CAST: variants seen among roughly 807,000 people sequenced by gnomAD.
CAST encodes calpastatin.
Under a neutral mutation model 119.6 loss-of-function variants are expected in CAST, and 76 were observed. The ratio of observed to expected loss-of-function variants is 0.64; its 90% confidence interval spans 0.53 to 0.77. The LOEUF (loss-of-function observed/expected upper bound fraction) is 0.77, where lower values mean the gene tolerates loss of function less well. CAST is among the 30% of genes least tolerant of loss of function. CAST has a pLI of 0.00. For synonymous variants in CAST, 319 were observed against 331.6 expected (o/e 0.96, Z 0.41); for missense variants, 953 against 946.5 (o/e 1.01, Z -0.09).
chr5:96,343,463 A>C, the CAST span, among the ~76,000 whole-genome samples: 4 of 152,188 alleles, frequency 2.6e-5, no homozygotes, highest in African/African-American at 9.6e-5. Context: ...GAAAATAATG[A>C]TGTTAATATT....
At chr5:96,482,212 C>A in the CAST span, among the ~76,000 whole-genome samples, 1 of 152,072 alleles carries the variant, frequency 6.6e-6, no homozygotes, top group Non-Finnish European at 1.5e-5. Context: ...ATCTTTCAAA[C>A]ACAATCCTGC....
chr5:96,068,513 G>A, the CAST span, among the ~76,000 whole-genome samples: 1 of 151,516 alleles, frequency 6.6e-6, no homozygotes, highest in African/African-American at 2.4e-5. Flanking sequence ...CTAAACATCT[G>A]ATATGGGAAC....
intron 9 of CAST, among the ~76,000 whole-genome samples, chr5:96,733,531 C>A (rs1030669994): frequency 1.3e-5 from 2 of 152,178 alleles, no homozygotes. Flanking sequence ...TTGACTTGTG[C>A]TGGAACTTGC....
intron 1 of CAST, among the ~76,000 whole-genome samples, chr5:96,600,223 T>G (rs1451104751): frequency 6.6e-6 from 1 of 152,234 alleles, no homozygotes; most frequent in Admixed American, 6.5e-5. Context: ...AGTTTTATTC[T>G]CTCCCTTTCT....
chr5:96,084,140 T>A, the CAST span, among the ~76,000 whole-genome samples: 1 of 151,896 alleles, frequency 6.6e-6, no homozygotes, highest in Non-Finnish European at 1.5e-5. Context: ...TGGCCAGGAG[T>A]GAGCTAATGA....
the CAST span, among the ~76,000 whole-genome samples, chr5:96,152,525 C>T: frequency 1.3e-4 from 20 of 152,172 alleles, no homozygotes; most frequent in Non-Finnish European, 2.4e-4. Context: ...TCAGGGAACT[C>T]TGTCCGGCTG....
the CAST span, chr5:96,425,728 T>TA: frequency 8.3e-3 from 5,432 of 651,268 alleles, no homozygotes; most frequent in Middle Eastern, 0.012. Flanking sequence ...TTCTCCATCA[T>TA]AAAAAAAAAA....
chr5:96,087,736 G>A, the CAST span, among the ~76,000 whole-genome samples: 1 of 152,222 alleles, frequency 6.6e-6, no homozygotes, highest in Non-Finnish European at 1.5e-5. Context: ...CGGGATTTCA[G>A]AGGAGTAGAG....
intron 1 of CAST, among the ~76,000 whole-genome samples, chr5:96,560,083 C>A (rs972911471): frequency 6.6e-6 from 1 of 152,016 alleles, no homozygotes; most frequent in African/African-American, 2.4e-5. Context: ...TTTGACAAAC[C>A]TGACAAAAAC....
At chr5:96,016,796 C>T in the CAST span, among the ~76,000 whole-genome samples, 1 of 147,848 alleles carries the variant, frequency 6.8e-6, no homozygotes, top group Non-Finnish European at 1.5e-5. Context: ...GTGACATTCT[C>T]TCAGAGTGCT....
the CAST span, among the ~76,000 whole-genome samples, chr5:96,201,842 G>A: frequency 1.3e-5 from 2 of 151,980 alleles, no homozygotes; most frequent in African/African-American, 4.8e-5. Context: ...GATGCCCCCA[G>A]GGCCCCATCT....
the CAST span, among the ~76,000 whole-genome samples, chr5:96,320,254 T>G: frequency 8.1e-6 from 1 of 124,042 alleles, no homozygotes; most frequent in Admixed American, 7.9e-5. Context: ...TTTTTTTTTT[T>G]GAGATGGAAT....
At chr5:96,266,860 A>G in the CAST span, among the ~76,000 whole-genome samples, 1 of 152,240 alleles carries the variant, frequency 6.6e-6, no homozygotes, top group African/African-American at 2.4e-5. Flanking sequence ...ATGGCAATAT[A>G]TGAACTCTTT....
At chr5:96,755,234 G>A (rs13181579) in intron 22 of CAST, 35,860 of 152,704 alleles carry the variant, frequency 0.23, 4,823 homozygotes, top group Non-Finnish European at 0.32. Flanking sequence ...AGGTACTTGC[G>A]AGGCTGAAGT....
rs200665340 is a variant in CAST at position 96,757,433 on chromosome 5, C to A, written c.1711-11C>A. The A allele has an allele frequency of 1.2e-6, 2 of 1,613,044 alleles. No individual in the cohort carries two copies. The highest frequency in any genetic ancestry group is 2.7e-5 in the African/African-American group (2 of 74,866). On this transcript the variant is annotated splice_polypyrimidine_tract_variant and intron_variant, in intron 22 of 31. Coordinates refer to ENST00000675179, the MANE Select transcript of CAST (RefSeq NM_001750.7). ...AATGATTTCATGCCATGTGTTTTCC[C>A]CCCCGGATAGGATAAAGATGGAAAG... is the stretch of plus-strand genomic sequence containing the variant.
chr5:96,452,956 C>CAAAG, the CAST span, among the ~76,000 whole-genome samples: 56 of 62,718 alleles, frequency 8.9e-4, no homozygotes, highest in Non-Finnish European at 1.2e-3. Flanking sequence ...GACTCCGTCT[C>CAAAG]AAAAAAAAAA....
chr5:96,033,597 T>G, the CAST span, among the ~76,000 whole-genome samples: 1 of 152,120 alleles, frequency 6.6e-6, no homozygotes, highest in African/African-American at 2.4e-5. Context: ...GATATTCACA[T>G]GCAGAAGAAT....
the CAST span, among the ~76,000 whole-genome samples, chr5:96,184,158 A>C: frequency 2.6e-5 from 4 of 152,156 alleles, no homozygotes; most frequent in Admixed American, 1.3e-4. Flanking sequence ...TTAAGTCCCA[A>C]ATCACAACTG....
chr5:96,158,491 T>G, the CAST span, among the ~76,000 whole-genome samples: 1 of 152,202 alleles, frequency 6.6e-6, no homozygotes, highest in South Asian at 2.1e-4. Context: ...ATAATATATT[T>G]AAAGATCTAT....
Sources: gnomAD v4.1 joint callset for allele counts (sites outside exome capture counted in the v4.1 genomes callset) on GRCh38, gnomAD v4.1.1 for gene constraint, MANE v1.5 for transcripts, NCBI Gene and HGNC (gene_info 2026-07-23, HGNC 2026-07-21) for gene names.